Variants in KCND2 observed in about 807,000 individuals in gnomAD.
The protein encoded by KCND2 is A-type voltage-gated potassium channel KCND2.
In KCND2, 16 loss-of-function variants were observed where a neutral mutation model predicts 54.4. The observed-to-expected ratio is 0.29, with a 90% CI of 0.20 to 0.45. The LOEUF (loss-of-function observed/expected upper bound fraction) is 0.45. Ranked by LOEUF, KCND2 falls within the 20% of genes least tolerant of loss-of-function variation. The pLI is 1.00. For missense variants in KCND2, 486 were observed against 824.2 expected, an observed-to-expected ratio of 0.59 and a Z score of 5.02; for synonymous variants, 317 against 310.7, an observed-to-expected ratio of 1.02 and a Z score of -0.21.
At chr7:120,683,184 C>G (rs1025815880) in intron 1 of KCND2, among the ~76,000 whole-genome samples, 2 of 152,150 alleles carry the variant, frequency 1.3e-5, no homozygotes, top group Non-Finnish European at 2.9e-5. Context: ...AGCATCATGC[C>G]TTTCATCCTG....
intron 1 of KCND2, among the ~76,000 whole-genome samples, chr7:120,296,706 A>G (rs1799518247): frequency 6.6e-6 from 1 of 152,092 alleles, no homozygotes; most frequent in Admixed American, 6.6e-5. Flanking sequence ...TAAGAGAACC[A>G]GTTTTCCAAT....
At chr7:120,454,096 T>C (rs114501005) in intron 1 of KCND2, among the ~76,000 whole-genome samples, 1 of 151,556 alleles carries the variant, frequency 6.6e-6, no homozygotes, top group African/African-American at 2.4e-5. Context: ...AAGAAAGAAA[T>C]AAATAAAAAG....
chr7:120,293,247 G>C (rs1459470153), intron 1 of KCND2, among the ~76,000 whole-genome samples: 2 of 151,854 alleles, frequency 1.3e-5, no homozygotes, highest in Admixed American at 6.6e-5. Flanking sequence ...AAATTAAACA[G>C]AATACACAAT....
chr7:120,549,008 T>C (rs559488193), intron 1 of KCND2, among the ~76,000 whole-genome samples: 1 of 152,224 alleles, frequency 6.6e-6, no homozygotes, highest in South Asian at 2.1e-4. Context: ...TGTAATCTTT[T>C]TATTGGACTT....
At chr7:120,554,382 G>A (rs1000642623) in intron 1 of KCND2, among the ~76,000 whole-genome samples, 1 of 151,878 alleles carries the variant, frequency 6.6e-6, no homozygotes, top group Non-Finnish European at 1.5e-5. Context: ...TCTGGTTTAC[G>A]TGGTGCTGAG....
intron 2 of KCND2, among the ~76,000 whole-genome samples, chr7:120,737,585 C>G (rs955552872): frequency 6.6e-6 from 1 of 152,062 alleles, no homozygotes; most frequent in Non-Finnish European, 1.5e-5. Context: ...CTTCTTTCTT[C>G]TCTTTTTATT....
At chr7:120,705,692 T>C (rs1332072768) in intron 1 of KCND2, among the ~76,000 whole-genome samples, 9 of 152,164 alleles carry the variant, frequency 5.9e-5, no homozygotes, top group Admixed American at 5.9e-4. Context: ...TTGCCAGGAA[T>C]GGAGAACCAC....
At chr7:120,532,909 A>G (rs1490433641) in intron 1 of KCND2, among the ~76,000 whole-genome samples, 1 of 152,054 alleles carries the variant, frequency 6.6e-6, no homozygotes, top group Non-Finnish European at 1.5e-5. Flanking sequence ...TATTATATTA[A>G]AAAGAATAAA....
intron 1 of KCND2, among the ~76,000 whole-genome samples, chr7:120,605,311 A>G (rs576872042): frequency 5.3e-4 from 81 of 152,324 alleles, no homozygotes; most frequent in African/African-American, 1.7e-3. Flanking sequence ...ATGTAAATGC[A>G]GTCATTCCAC....
Position 120,351,357 on chromosome 7 carries a change from G to A in KCND2, c.1115+75610G>A, listed in dbSNP as rs959194809. On this transcript the variant is annotated intron_variant, in intron 1 of 5. Transcript: ENST00000331113. ...TAAATGGGATCATCTCAAAAAAATCGAAGAGCATACACACACACACACACA... is the reference window on the plus strand; with the variant it reads ...TAAATGGGATCATCTCAAAAAAATCAAAGAGCATACACACACACACACACA... 5.6e-4 allele frequency among the ~76,000 whole-genome samples: 66 copies of A among 117,510 alleles called. 1 individual carries two copies. The highest frequency in any genetic ancestry group is 2.0e-3 in the African/African-American group (63 of 31,448). The allele number at this position is 117,510 out of a possible 152,430, so 77.1% of individuals were successfully genotyped here.
intron 1 of KCND2, among the ~76,000 whole-genome samples, chr7:120,563,510 G>A (rs750508975): frequency 2.2e-4 from 33 of 152,054 alleles, no homozygotes; most frequent in Non-Finnish European, 4.0e-4. Context: ...ATTCTGCTCC[G>A]TCTCAATCTC....
intron 1 of KCND2, among the ~76,000 whole-genome samples, chr7:120,717,894 C>T (rs1265105301): frequency 6.6e-6 from 1 of 152,098 alleles, no homozygotes; most frequent in African/African-American, 2.4e-5. Flanking sequence ...TCCTAGAGGT[C>T]ACTAACAGCA....
chr7:120,628,630 G>C (rs1399627202), intron 1 of KCND2, among the ~76,000 whole-genome samples: 1 of 152,146 alleles, frequency 6.6e-6, no homozygotes, highest in African/African-American at 2.4e-5. Flanking sequence ...TCATAAATAA[G>C]AATACACTAA....
intron 1 of KCND2, among the ~76,000 whole-genome samples, chr7:120,395,084 A>G (rs942423394): frequency 3.3e-5 from 5 of 151,954 alleles, no homozygotes; most frequent in African/African-American, 1.2e-4. Flanking sequence ...ATATTTAGCC[A>G]TGAAGAAGTT....
intron 1 of KCND2, among the ~76,000 whole-genome samples, chr7:120,417,691 T>G (rs183212708): frequency 6.6e-6 from 1 of 152,314 alleles, no homozygotes; most frequent in East Asian, 1.9e-4. Flanking sequence ...GCAATCTGGT[T>G]TTCTGAAACA....
intron 4 of KCND2, 135 bp downstream of exon 4, chr7:120,742,737 A>C: frequency 1.4e-6 from 1 of 723,522 alleles, no homozygotes. Context: ...AACAAACCAA[A>C]ACCCCACAAT....
chr7:120,680,438 AT>A (rs540020787), intron 1 of KCND2, among the ~76,000 whole-genome samples: 57 of 152,282 alleles, frequency 3.7e-4, no homozygotes, highest in African/African-American at 1.3e-3. Context: ...CGCCGTATAA[AT>A]AAAACCAGGC....
intron 1 of KCND2, among the ~76,000 whole-genome samples, chr7:120,636,322 A>G (rs1209092861): frequency 1.3e-5 from 2 of 152,032 alleles, no homozygotes; most frequent in African/African-American, 2.4e-5. Context: ...GGTTTACTTA[A>G]AGGAAGAACT....
At chr7:120,508,202 C>T (rs980836897) in intron 1 of KCND2, among the ~76,000 whole-genome samples, 1 of 151,808 alleles carries the variant, frequency 6.6e-6, no homozygotes, top group Admixed American at 6.6e-5. Flanking sequence ...AAAATTATTT[C>T]TTATAATTAA....
Sources: allele counts gnomAD v4.1 joint callset (sites outside exome capture counted in the v4.1 genomes callset), GRCh38; gene constraint gnomAD v4.1.1; transcripts MANE v1.5; gene names NCBI Gene and HGNC (gene_info 2026-07-23, HGNC 2026-07-21).